PLEKHA3: variants seen among roughly 807,000 people sequenced by gnomAD.
PLEKHA3 encodes the protein pleckstrin homology domain-containing family A member 3.
A neutral mutation model predicts 39.2 loss-of-function variants in PLEKHA3; 19 were observed. That is an observed-to-expected ratio of 0.48 (90% CI 0.34 to 0.71). The LOEUF is 0.71. PLEKHA3 is among the 30% of genes least tolerant of loss of function. The probability of loss-of-function intolerance (pLI) is 0.01; values close to 1 mark genes in which losing one functional copy is unlikely to be tolerated. For missense variants in PLEKHA3, 253 were observed against 359.5 expected, an observed-to-expected ratio of 0.70 and a Z score of 2.40; for synonymous variants, 97 against 118.6, an observed-to-expected ratio of 0.82 and a Z score of 1.18.
At chr2:178,490,869 A>G in intron 3 of PLEKHA3, 55 bp downstream of exon 3, 1 of 1,388,310 alleles carries the variant, frequency 7.2e-7, no homozygotes, top group African/African-American at 1.5e-5. Context: ...ATAAATATAA[A>G]TGTAACTAAA....
rs577991031 is a variant in PLEKHA3, at chr2:178,508,780, C to T, written c.*4893C>T. On this transcript the variant is annotated 3_prime_UTR_variant, in exon 8 of 8. Transcript: ENST00000234453. Reference sequence around the variant, plus strand: ...TCATCCTCTCTCATGCCCATCCGGCCCCACCCCCCAAATCCTCCTCTGGCT... The same window carrying T: ...TCATCCTCTCTCATGCCCATCCGGCTCCACCCCCCAAATCCTCCTCTGGCT... 6.5e-6 allele frequency: 1 copy of T among 153,876 alleles called. No homozygotes were observed. The highest frequency in any genetic ancestry group is 2.1e-4 in the South Asian group (1 of 4,826). 9.5% of individuals were successfully genotyped at this position (153,876 alleles called of 1,614,324 possible). A position where few individuals can be genotyped will look rare whatever the true frequency, so the allele number is the denominator to read the frequency against.
chr2:178,496,994 C>A (rs1685460072), intron 5 of PLEKHA3, among the ~76,000 whole-genome samples: 1 of 151,926 alleles, frequency 6.6e-6, no homozygotes, highest in Non-Finnish European at 1.5e-5. Context: ...TTTTGTTGCC[C>A]AGGCTGGTCT....
intron 1 of PLEKHA3, among the ~76,000 whole-genome samples, chr2:178,485,000 CA>C (rs1382628686): frequency 5.9e-5 from 9 of 152,304 alleles, no homozygotes; most frequent in African/African-American, 1.9e-4. Flanking sequence ...GTGTTCTCAC[CA>C]TAGGGTATGT....
chr2:178,485,369 T>A (rs1685232999), intron 1 of PLEKHA3, among the ~76,000 whole-genome samples: 1 of 152,222 alleles, frequency 6.6e-6, no homozygotes, highest in Non-Finnish European at 1.5e-5. Flanking sequence ...ATGGGCCTTA[T>A]GGGTTGTTAA....
Position 178,511,821 on chromosome 2 carries a change from C to T in PLEKHA3, c.*7934C>T, listed in dbSNP as rs954350603. The T allele has an allele frequency of 2.0e-5, 3 of 152,232 alleles. No homozygotes were observed. The East Asian group carries it at 5.8e-4, about 29-fold the overall frequency. The allele number at this position is 152,232 out of a possible 1,614,324, so 9.4% of individuals were successfully genotyped here. A position where few individuals can be genotyped will look rare whatever the true frequency, so the allele number is the denominator to read the frequency against. On this transcript the variant is annotated 3_prime_UTR_variant, in exon 8 of 8. Coordinates refer to ENST00000234453, the MANE Select transcript of PLEKHA3 (RefSeq NM_019091.4). ...GCGGGAGCCACCGTGCCTGACCTGA[C>T]CTCTCCATCTTTGGCGTCCTTATGC...
rs1030205750 is a variant in PLEKHA3, at chr2:178,504,926, C to G, written c.*1039C>G. On this transcript the variant is annotated 3_prime_UTR_variant, in exon 8 of 8. Transcript: ENST00000234453. Reference sequence around the variant, plus strand: ...CTATTGTCATTGTTTGCCTTGTAATCTGTTTTTTTGAATTCATTTTGGGCT... The same window carrying G: ...CTATTGTCATTGTTTGCCTTGTAATGTGTTTTTTTGAATTCATTTTGGGCT... 3 of 152,320 alleles carry G rather than the reference C, an allele frequency of 2.0e-5. No homozygotes were observed. The highest frequency in any genetic ancestry group is 7.2e-5 in the African/African-American group (3 of 41,400). 9.4% of individuals were successfully genotyped at this position (152,320 alleles called of 1,614,324 possible).
chr2:178,488,965 C>T (rs1227034684), intron 2 of PLEKHA3: 110 of 458,882 alleles, frequency 2.4e-4, no homozygotes, highest in Non-Finnish European at 6.3e-5. Context: ...GTTGCCTTTT[C>T]AGGTGACAAC....
At chr2:178,485,581 T>A in intron 1 of PLEKHA3, 60 bp from the exon 2 acceptor site, 1 of 1,019,414 alleles carries the variant, frequency 9.8e-7, no homozygotes, top group South Asian at 1.4e-5. Flanking sequence ...AATCACAGTT[T>A]TCTATGTGGT....
In PLEKHA3 at chr2:178,482,741, AG is replaced by A. The variant is rs1269763203; in HGVS notation, c.40+1836del. Among the ~76,000 whole-genome samples the A allele has an allele frequency of 3.3e-5, 5 of 152,262 alleles. No homozygotes were observed. In the South Asian group the frequency reaches 8.3e-4, roughly 25 times the overall value. On this transcript the variant is annotated intron_variant, in intron 1 of 7. Coordinates refer to ENST00000234453, the MANE Select transcript of PLEKHA3 (RefSeq NM_019091.4). ...TTATCTCCTATGGTACTAAATAACCAGGGGTTGAGCTTTTAATCACATGTGA... is the reference window on the plus strand; with the variant it reads ...TTATCTCCTATGGTACTAAATAACCAGGGTTGAGCTTTTAATCACATGTGA...
chr2:178,503,637 A>G, intron 7 of PLEKHA3, 123 bp from the exon 8 acceptor site: 2 of 1,037,560 alleles, frequency 1.9e-6, no homozygotes, highest in East Asian at 2.6e-5. Flanking sequence ...ACAAGGAAAT[A>G]CAAAATTAGC....
In PLEKHA3 at chr2:178,503,868, T is replaced by C. The variant is rs779267390; in HGVS notation, c.884T>C (p.Leu295Pro). The C allele has an allele frequency of 3.7e-6, 6 of 1,611,532 alleles. No homozygotes were observed. Among genetic ancestry groups the C allele is most frequent in the Admixed American group, 3.3e-5 (2 of 59,910 alleles). Residue 295 changes from leucine to proline, a missense_variant, in exon 8 of 8, where the codon CTT (leucine) becomes CCT (proline). Leu to Pro is a moderately conservative substitution (Grantham distance 98, BLOSUM62 -3). Coordinates refer to ENST00000234453, the MANE Select transcript of PLEKHA3 (RefSeq NM_019091.4). The part of the protein sequence containing the change: ...AKKQSESEDT[L>P]PSFSS ...AAACAATCTGAATCAGAAGATACTC[T>C]TCCATCCTTCTCTTCCTGAAGAAAC...
chr2:178,501,984 A>G (rs1043830073), intron 7 of PLEKHA3, among the ~76,000 whole-genome samples: 1 of 151,974 alleles, frequency 6.6e-6, no homozygotes, highest in Non-Finnish European at 1.5e-5. Context: ...TCTTGTGGAA[A>G]TGACATGATA....
At chr2:178,485,589 G>T in intron 1 of PLEKHA3, 52 bp from the exon 2 acceptor site, 1 of 1,095,654 alleles carries the variant, frequency 9.1e-7, no homozygotes, top group Non-Finnish European at 1.4e-6. Flanking sequence ...TTTTCTATGT[G>T]GTGAAAGTAA....
chr2:178,500,587 TAA>T, intron 6 of PLEKHA3, among the ~76,000 whole-genome samples: 1 of 152,220 alleles, frequency 6.6e-6, no homozygotes, highest in East Asian at 1.9e-4. Flanking sequence ...GACAGATTTT[TAA>T]AAGAGTTTTT....
At chr2:178,492,344 T>C (rs1685360565) in intron 3 of PLEKHA3, among the ~76,000 whole-genome samples, 1 of 151,444 alleles carries the variant, frequency 6.6e-6, no homozygotes, top group African/African-American at 2.4e-5. Flanking sequence ...CAAATGTTCA[T>C]TGGTAGAGGA....
intron 7 of PLEKHA3, 34 bp from the exon 8 acceptor site, chr2:178,503,726 A>AG: frequency 6.2e-7 from 1 of 1,603,934 alleles, no homozygotes; most frequent in Non-Finnish European, 8.5e-7. Flanking sequence ...TAATATTGAC[A>AG]GGATGTTTAA....
chr2:178,510,888 ATTTAAT>A lies in PLEKHA3; in HGVS notation c.*7004_*7009del, dbSNP rs1685673406. The A allele has an allele frequency of 6.6e-6, 1 of 152,210 alleles. No individual in the cohort carries two copies. The highest frequency in any genetic ancestry group is 1.5e-5 in the Non-Finnish European group (1 of 68,046). The allele number at this position is 152,210 out of a possible 1,614,324, so 9.4% of individuals were successfully genotyped here. ...TTCTAATCAAAGTGTTTTGGGGAACATTTAATTTAAATACTATGTTCAATTTTTTTA... is the reference window on the plus strand; with the variant it reads ...TTCTAATCAAAGTGTTTTGGGGAACATTAAATACTATGTTCAATTTTTTTA... On this transcript the variant is annotated 3_prime_UTR_variant, in exon 8 of 8. Coordinates refer to ENST00000234453, the MANE Select transcript of PLEKHA3 (RefSeq NM_019091.4).
chr2:178,481,777 A>G (rs1244774976), intron 1 of PLEKHA3: 1 of 149,946 alleles, frequency 6.7e-6, no homozygotes, highest in East Asian at 2.1e-4. Flanking sequence ...CCAACTCCAG[A>G]ATTCCATGAC....
intron 2 of PLEKHA3, among the ~76,000 whole-genome samples, chr2:178,487,959 C>G (rs1280018654): frequency 6.6e-6 from 1 of 151,980 alleles, no homozygotes; most frequent in Non-Finnish European, 1.5e-5. Flanking sequence ...ATGTTGAATA[C>G]TTTTTTAGAT....
Sources: allele counts gnomAD v4.1 joint callset (sites outside exome capture counted in the v4.1 genomes callset), GRCh38; gene constraint gnomAD v4.1.1; transcripts MANE v1.5; gene names NCBI Gene and HGNC (gene_info 2026-07-23, HGNC 2026-07-21).